The following YARS1 variants were observed in gnomAD, a reference collection of about 807,000 sequenced individuals.
YARS1 encodes tyrosine--tRNA ligase, cytoplasmic.
Under a neutral mutation model 62.2 loss-of-function variants are expected in YARS1, and 36 were observed. The observed-to-expected ratio is 0.58, with a 90% CI of 0.44 to 0.76. The LOEUF (loss-of-function observed/expected upper bound fraction) is 0.76. YARS1 is among the 30% of genes least tolerant of loss of function. YARS1 has a pLI of 0.00. For missense variants in YARS1, 524 were observed against 639.8 expected, an observed-to-expected ratio of 0.82 and a Z score of 1.95; for synonymous variants, 234 against 244.9, an observed-to-expected ratio of 0.96 and a Z score of 0.42.
chr1:32,775,293 A>C lies in YARS1; in HGVS notation c.*688T>G, dbSNP rs1213850380. The stretch of plus-strand genomic sequence containing the variant: ...TGACAGTGATGGGGATTTGACTGAG[A>C]TGCCTTATGGAGAAGTACCCCACCC... On this transcript the variant is annotated 3_prime_UTR_variant, in exon 13 of 13. Transcript: ENST00000373477. The C allele has an allele frequency of 1.3e-5, 2 of 152,582 alleles. No homozygotes were observed. Among genetic ancestry groups the C allele is most frequent in the African/African-American group, 4.8e-5 (2 of 41,448 alleles). The allele number at this position is 152,582 out of a possible 1,614,324, so 9.5% of individuals were successfully genotyped here.
At chr1:32,777,626 TAAATA>T (rs1325425225) in intron 12 of YARS1, among the ~76,000 whole-genome samples, 1 of 151,932 alleles carries the variant, frequency 6.6e-6, no homozygotes, top group Non-Finnish European at 1.5e-5. Flanking sequence ...AATAAATAAA[TAAATA>T]AAATAAAAAT....
intron 1 of YARS1, among the ~76,000 whole-genome samples, chr1:32,814,361 C>T (rs757472830): frequency 3.8e-4 from 58 of 152,120 alleles, no homozygotes; most frequent in Non-Finnish European, 7.1e-4. Flanking sequence ...AACAGGTCTC[C>T]CAAATCTACT....
intron 1 of YARS1, among the ~76,000 whole-genome samples, chr1:32,811,892 C>T (rs1390674451): frequency 6.6e-6 from 1 of 152,114 alleles, no homozygotes; most frequent in African/African-American, 2.4e-5. Context: ...ACTTTAAGCC[C>T]CCCAACTGTC....
At chr1:32,806,739 A>T in intron 3 of YARS1, 128 bp from the exon 4 acceptor site, 1 of 1,289,096 alleles carries the variant, frequency 7.8e-7, no homozygotes, top group Non-Finnish European at 1.1e-6. Flanking sequence ...TTAAAAATAT[A>T]TTTTAATCAC....
rs1652834468 is a variant in YARS1 at position 32,775,754 on chromosome 1, G to A, written c.*227C>T. ...GGAAGAAGGTAGGGCTGGACTCCCT[G>A]CTGTGGCCCAGCCCTTGTTAGGGGT... On this transcript the variant is annotated 3_prime_UTR_variant, in exon 13 of 13. Coordinates refer to ENST00000373477, the MANE Select transcript of YARS1 (RefSeq NM_003680.4). The A allele has an allele frequency of 3.4e-6, 2 of 590,140 alleles. No individual in the cohort carries two copies. The highest frequency in any genetic ancestry group is 2.9e-5 in the Admixed American group (1 of 34,112). 36.6% of individuals were successfully genotyped at this position (590,140 alleles called of 1,614,324 possible).
intron 3 of YARS1, 134 bp from the exon 4 acceptor site, chr1:32,806,745 ATC>A: frequency 2.4e-6 from 3 of 1,230,030 alleles, no homozygotes; most frequent in Non-Finnish European, 3.4e-6. Context: ...ATATATTTTA[ATC>A]ACCAACTTTC....
rs1470898248 is a variant in YARS1 at position 32,806,568 on chromosome 1, G to T, written c.424C>A (p.Gln142Lys). 1 of 1,614,176 alleles carries T rather than the reference G, an allele frequency of 6.2e-7. No homozygotes were observed. Among genetic ancestry groups the T allele is most frequent in the African/African-American group, 1.3e-5 (1 of 75,042 alleles). The part of the protein sequence containing the change: ...DVYRLSSVVT[Q>K]HDSKKAGAEV... ...GCTCCAGCCTTCTTGGAATCGTGCT[G>T]TGTGACCACGGAGGAGAGTCTGTAC... Residue 142 changes from glutamine (Q) to lysine (K), a missense_variant, in exon 4 of 13, where the codon CAG (glutamine) becomes AAG (lysine). By Grantham distance (53) the Gln-to-Lys change is moderately conservative (BLOSUM62 1). Transcript: ENST00000373477.
chr1:32,804,872 C>A (rs1358825038), intron 4 of YARS1, among the ~76,000 whole-genome samples: 5 of 152,080 alleles, frequency 3.3e-5, no homozygotes, highest in Non-Finnish European at 7.3e-5. Flanking sequence ...TTTGGGAGGC[C>A]AAGGCAGGCG....
At chr1:32,795,092 G>A (rs563927676) in intron 5 of YARS1, among the ~76,000 whole-genome samples, 3 of 151,640 alleles carry the variant, frequency 2.0e-5, no homozygotes, top group African/African-American at 4.8e-5. Flanking sequence ...GGCCAAGGTC[G>A]GAGGATCATG....
chr1:32,815,937 G>A (rs1189398118), intron 1 of YARS1, among the ~76,000 whole-genome samples: 1 of 151,868 alleles, frequency 6.6e-6, no homozygotes, highest in Non-Finnish European at 1.5e-5. Context: ...GTGAAACCCC[G>A]TCTCTACTAA....
chr1:32,809,144 T>C (rs1026752940), intron 3 of YARS1, among the ~76,000 whole-genome samples: 2 of 152,026 alleles, frequency 1.3e-5, no homozygotes, highest in African/African-American at 4.8e-5. Context: ...TGGAGTGCAG[T>C]GGTATGATCT....
intron 5 of YARS1, among the ~76,000 whole-genome samples, chr1:32,791,494 C>T (rs1653410784): frequency 6.6e-6 from 1 of 152,196 alleles, no homozygotes; most frequent in African/African-American, 2.4e-5. Flanking sequence ...ACAATAAAAG[C>T]TGGAAATACA....
At chr1:32,805,228 AG>A (rs374485041) in intron 4 of YARS1, among the ~76,000 whole-genome samples, 11,066 of 22,288 alleles carry the variant, frequency 0.5, 1,136 homozygotes, top group South Asian at 0.55. Flanking sequence ...GAAAGGGGAG[AG>A]GGGGAGAGGG....
At chr1:32,786,747 T>C (rs1021222047) in intron 7 of YARS1, 193 bp downstream of exon 7, 1 of 859,646 alleles carries the variant, frequency 1.2e-6, no homozygotes, top group East Asian at 2.7e-5. Flanking sequence ...CCTCAGAACC[T>C]AGCCTGGTAA....
At chr1:32,811,413 C>T (rs148103433) in intron 1 of YARS1, 411 of 361,116 alleles carry the variant, frequency 1.1e-3, no homozygotes, top group Non-Finnish European at 1.8e-3. Context: ...CCGCAGTTCC[C>T]AGGAATTTGC....
At chr1:32,814,690 C>T (rs1638661110) in intron 1 of YARS1, among the ~76,000 whole-genome samples, 1 of 152,154 alleles carries the variant, frequency 6.6e-6, no homozygotes, top group African/African-American at 2.4e-5. Context: ...GCGCTTGGCC[C>T]CTCCAATCCA....
intron 4 of YARS1, among the ~76,000 whole-genome samples, chr1:32,806,052 A>G (rs1347679092): frequency 6.6e-6 from 1 of 152,188 alleles, no homozygotes; most frequent in Non-Finnish European, 1.5e-5. Context: ...GCCTAATTTC[A>G]ATATTGTTGT....
chr1:32,787,473 A>G (rs938175893), intron 6 of YARS1, among the ~76,000 whole-genome samples: 1 of 150,622 alleles, frequency 6.6e-6, no homozygotes, highest in African/African-American at 2.4e-5. Flanking sequence ...GTACTTGCAG[A>G]TATTTTCCTG....
rs148983566 is a variant in YARS1 at position 32,797,351 on chromosome 1, G to A, written c.591+412C>T. 2.0e-3 allele frequency among the ~76,000 whole-genome samples: 308 copies of A among 152,038 alleles called. 3 individuals are homozygous for A. Among genetic ancestry groups the A allele is most frequent in the African/African-American group, 6.1e-3 (253 of 41,466 alleles). ...CGCATTACTGCACTCTGGCCTGGGC[G>A]ACAGAGTGAGAACTTGTCTCAAAAA... On this transcript the variant is annotated intron_variant, in intron 5 of 12. Transcript: ENST00000373477.
Sources: allele counts gnomAD v4.1 joint callset (sites outside exome capture counted in the v4.1 genomes callset), GRCh38; gene constraint gnomAD v4.1.1; transcripts MANE v1.5; gene names NCBI Gene and HGNC (gene_info 2026-07-23, HGNC 2026-07-21).